ITPR2: variants seen among roughly 807,000 people sequenced by gnomAD.
ITPR2 encodes the protein inositol 1,4,5-trisphosphate-gated calcium channel ITPR2.
Under a neutral mutation model 317.1 loss-of-function variants are expected in ITPR2, and 207 were observed. That is an observed-to-expected ratio of 0.65 (90% confidence interval 0.58 to 0.73). The LOEUF (loss-of-function observed/expected upper bound fraction) is 0.73, where lower values mean the gene tolerates loss of function less well. Ranked by LOEUF, ITPR2 falls within the 30% of genes least tolerant of loss-of-function variation. ITPR2 has a pLI of 0.00. For synonymous variants in ITPR2, 1,156 were observed against 1,149.1 expected, an observed-to-expected ratio of 1.01 and a Z score of -0.12; for missense variants, 2,613 against 3,284.0, an observed-to-expected ratio of 0.80 and a Z score of 4.99.
At chr12:26,784,761 C>T (rs1452094376) in intron 2 of ITPR2, among the ~76,000 whole-genome samples, 2 of 149,850 alleles carry the variant, frequency 1.3e-5, no homozygotes, top group African/African-American at 2.4e-5. Context: ...GCCCAGCCAC[C>T]ACCCCGTCTG....
At chr12:26,625,174 A>G (rs1310972572) in intron 23 of ITPR2, among the ~76,000 whole-genome samples, 2 of 152,264 alleles carry the variant, frequency 1.3e-5, no homozygotes, top group Non-Finnish European at 1.5e-5. Flanking sequence ...CAGTAGAATA[A>G]GAGTTACCAG....
intron 32 of ITPR2, among the ~76,000 whole-genome samples, chr12:26,586,352 G>A (rs2137087685): frequency 6.6e-6 from 1 of 152,222 alleles, no homozygotes; most frequent in Middle Eastern, 3.4e-3. Flanking sequence ...TGCCCAGGCT[G>A]GGTCTCAAGC....
At chr12:26,758,482 T>C (rs1437724968) in intron 2 of ITPR2, among the ~76,000 whole-genome samples, 1 of 152,222 alleles carries the variant, frequency 6.6e-6, no homozygotes, top group East Asian at 1.9e-4. Flanking sequence ...ACGCTAGCCT[T>C]TCTCCATTCC....
chr12:26,415,493 A>G lies in ITPR2; in HGVS notation c.7116T>C (p.Phe2372=). The change falls in exon 51 of 57, where the codon TTT becomes TTC. Residue 2372 remains phenylalanine (F), a synonymous_variant. Coordinates refer to ENST00000381340, the MANE Select transcript of ITPR2 (RefSeq NM_002223.4). ...AAGTCTCTTCCCTGTACACCAAATC[A>G]AAAAGCTACAAAGATAAAGAAAACA... is the stretch of plus-strand genomic sequence containing the variant. ...VHEFFYSFLL[F]DLVYREETLL... 6.5e-7 allele frequency: 1 copy of G among 1,545,666 alleles called. No individual in the cohort carries two copies. The highest frequency in any genetic ancestry group is 8.7e-7 in the Non-Finnish European group (1 of 1,149,780).
In ITPR2 at chr12:26,711,349, C is replaced by T. The variant is rs1430042290; in HGVS notation, c.856-81G>A. The T allele has an allele frequency of 3.1e-5, 29 of 933,490 alleles. No individual in the cohort carries two copies. The East Asian group carries it at 7.1e-4, about 23-fold the overall frequency. The allele number at this position is 933,490 out of a possible 1,614,324, so 57.8% of individuals were successfully genotyped here. On this transcript the variant is annotated intron_variant, in intron 8 of 56. Transcript: ENST00000381340. Reference sequence around the variant, plus strand: ...AAACACCAACAGTTTACATGCCTGCCCTCCTGTTAATACTGATCTGTCAAA... The same window carrying T: ...AAACACCAACAGTTTACATGCCTGCTCTCCTGTTAATACTGATCTGTCAAA...
At position 26,567,949 on chromosome 12, in the gene ITPR2, AT is replaced by A. The variant is rs1316060723; in HGVS notation, c.4631-5998del. 1.2e-3 allele frequency among the ~76,000 whole-genome samples: 38 copies of A among 31,532 alleles called. 1 individual carries two copies. The highest frequency in any genetic ancestry group is 1.8e-3 in the South Asian group (2 of 1,106). 20.7% of individuals were successfully genotyped at this position (31,532 alleles called of 152,430 possible). ...TAGAAAAATTCTGGTATATATATATATTATATATATATATATATATTATATA... is the reference window on the plus strand; with the variant it reads ...TAGAAAAATTCTGGTATATATATATATATATATATATATATATATTATATA... On this transcript the variant is annotated intron_variant, in intron 34 of 56. Transcript: ENST00000381340.
At chr12:26,816,677 T>C (rs779240742) in intron 1 of ITPR2, among the ~76,000 whole-genome samples, 13 of 152,120 alleles carry the variant, frequency 8.5e-5, no homozygotes, top group Non-Finnish European at 1.8e-4. Flanking sequence ...AAATTAAAAC[T>C]ATAATTGCGG....
intron 24 of ITPR2, among the ~76,000 whole-genome samples, chr12:26,623,033 C>T (rs1182128301): frequency 6.6e-6 from 1 of 152,214 alleles, no homozygotes; most frequent in Non-Finnish European, 1.5e-5. Context: ...TAAATGTTCA[C>T]TAGAGATAAA....
At chr12:26,399,169 G>C in intron 53 of ITPR2, 128 bp from the exon 54 acceptor site, 1 of 660,828 alleles carries the variant, frequency 1.5e-6, no homozygotes, top group East Asian at 3.4e-5. Context: ...GAAAAATAAG[G>C]CTCACTTTCC....
At chr12:26,778,917 C>A (rs1592120299) in intron 2 of ITPR2, among the ~76,000 whole-genome samples, 2 of 152,090 alleles carry the variant, frequency 1.3e-5, no homozygotes, top group East Asian at 3.8e-4. Flanking sequence ...TTGGCCCCTC[C>A]TACAACCCAG....
chr12:26,599,236 C>T lies in ITPR2; in HGVS notation c.3911G>A (p.Gly1304Asp). The change falls in exon 30 of 57, where the codon GGC (glycine) becomes GAC (aspartate). Residue 1304 changes from glycine to aspartate, a missense_variant. This residue lies in a region of ITPR2 where 817 missense variants were observed against 897.6 expected (regional missense o/e 0.91). Coordinates refer to ENST00000381340, the MANE Select transcript of ITPR2 (RefSeq NM_002223.4). ...QHFVHCIETH[G>D]RHVEYLRFLQ... ...AAACCTCAGGTACTCCACGTGGCGG[C>T]CATGTGTCTCAATGCAGTGCACAAA... 1.2e-6 allele frequency: 2 copies of T among 1,614,042 alleles called. No homozygotes were observed. The highest frequency in any genetic ancestry group is 1.7e-6 in the Non-Finnish European group (2 of 1,179,940).
At position 26,772,704 on chromosome 12, in the gene ITPR2, G is replaced by A. The variant is rs372309353; in HGVS notation, c.163+17453C>T. The stretch of plus-strand genomic sequence containing the variant: ...CCGTATGTGCACATGGTGTATATTC[G>A]ATAAATCTGCTAAATGTATCCAATA... On this transcript the variant is annotated intron_variant, in intron 2 of 56. Coordinates refer to ENST00000381340, the MANE Select transcript of ITPR2 (RefSeq NM_002223.4). Among the ~76,000 whole-genome samples the A allele has an allele frequency of 3.3e-5, 5 of 150,164 alleles. No individual in the cohort carries two copies. The East Asian group carries it at 7.8e-4, about 23-fold the overall frequency.
At chr12:26,776,101 C>T (rs987348027) in intron 2 of ITPR2, among the ~76,000 whole-genome samples, 7 of 151,444 alleles carry the variant, frequency 4.6e-5, no homozygotes, top group African/African-American at 1.7e-4. Flanking sequence ...TATGATTAGA[C>T]CCAAAAATGC....
intron 37 of ITPR2, among the ~76,000 whole-genome samples, chr12:26,542,781 A>G (rs969969243): frequency 3.3e-5 from 5 of 152,238 alleles, no homozygotes; most frequent in Non-Finnish European, 5.9e-5. Flanking sequence ...CCTATAGATT[A>G]TATGTATGTC....
chr12:26,562,525 C>A (rs112422671), intron 34 of ITPR2, among the ~76,000 whole-genome samples: 1 of 152,218 alleles, frequency 6.6e-6, no homozygotes, highest in Non-Finnish European at 1.5e-5. Flanking sequence ...ATGCTTGTCA[C>A]AAAGAAAGCA....
intron 1 of ITPR2, among the ~76,000 whole-genome samples, chr12:26,794,858 C>T (rs1403156412): frequency 6.6e-6 from 1 of 152,218 alleles, no homozygotes; most frequent in Non-Finnish European, 1.5e-5. Context: ...AGACCAAAGA[C>T]TTGGCTCCCT....
chr12:26,403,703 G>A (rs1940253504), intron 52 of ITPR2, among the ~76,000 whole-genome samples: 2 of 152,196 alleles, frequency 1.3e-5, no homozygotes, highest in Admixed American at 1.3e-4. Flanking sequence ...CAGAGATAGA[G>A]GGGAGTCCCT....
chr12:26,789,371 T>C (rs1359653125), intron 2 of ITPR2, among the ~76,000 whole-genome samples: 2 of 152,336 alleles, frequency 1.3e-5, no homozygotes, highest in East Asian at 3.9e-4. Context: ...TAAGCAGCAA[T>C]CTTCACTTGG....
chr12:26,686,012 A>C (rs922425833), intron 11 of ITPR2, among the ~76,000 whole-genome samples: 1 of 152,288 alleles, frequency 6.6e-6, no homozygotes, highest in East Asian at 1.9e-4. Flanking sequence ...CCCCCATTTG[A>C]ATGTGAGAAT....
Sources: gnomAD v4.1 joint callset for allele counts (sites outside exome capture counted in the v4.1 genomes callset) on GRCh38, gnomAD v4.1.1 for gene constraint, gnomAD v4.1.1 regional missense constraint, MANE v1.5 for transcripts, NCBI Gene and HGNC (gene_info 2026-07-23, HGNC 2026-07-21) for gene names.